SMARCB1: variants seen among roughly 807,000 people sequenced by gnomAD.
SMARCB1 encodes the protein SWI/SNF related BAF chromatin remodeling complex subunit B1.
In SMARCB1, 5 loss-of-function variants were observed where a neutral mutation model predicts 49.0. The observed-to-expected ratio is 0.10, with a 90% confidence interval of 0.05 to 0.21. SMARCB1 has a LOEUF of 0.21. Among genes scored for constraint, SMARCB1 ranks in the 10% least tolerant of loss-of-function variants. SMARCB1 has a pLI of 1.00. For synonymous variants in SMARCB1, 201 were observed against 200.1 expected (o/e 1.00, Z -0.04); for missense variants, 226 against 509.2 (o/e 0.44, Z 5.35).
At position 23,837,964 on chromosome 22, in the gene SMARCB1, CTCA is replaced by C. The variant is rs2031235891; in HGVS notation, c.*3788_*3790del. The C allele has an allele frequency of 2.3e-6, 3 of 1,292,094 alleles. No homozygotes were observed. The highest frequency in any genetic ancestry group is 3.1e-6 in the Non-Finnish European group (3 of 956,472). 80.0% of individuals were successfully genotyped at this position (1,292,094 alleles called of 1,614,324 possible). A position where few individuals can be genotyped will look rare whatever the true frequency, so the allele number is the denominator to read the frequency against. On this transcript the variant is annotated 3_prime_UTR_variant, in exon 9 of 9. Transcript: ENST00000644036. ...CCTCATCTCCCCTATGTGCTATTCC[CTCA>C]TCAAGATGAGCCAGTCCAATAAAGG...
At chr22:23,803,741 C>G in intron 5 of SMARCB1, 1 of 421,094 alleles carries the variant, frequency 2.4e-6, no homozygotes, top group Non-Finnish European at 4.5e-6. Context: ...CCCCCGAGCC[C>G]TGCACACACC....
chr22:23,825,663 C>A (rs948594493), intron 7 of SMARCB1: 3 of 552,250 alleles, frequency 5.4e-6, no homozygotes, highest in Admixed American at 6.3e-5. Context: ...TCAGGGTGAA[C>A]CTCAAGTCCT....
chr22:23,828,242 G>A (rs996456228), intron 7 of SMARCB1, among the ~76,000 whole-genome samples: 2 of 152,028 alleles, frequency 1.3e-5, no homozygotes, highest in Non-Finnish European at 1.5e-5. Flanking sequence ...TAGTAGAGAC[G>A]GGGTTTCACC....
Position 23,836,755 on chromosome 22 carries a change from A to T in SMARCB1, c.*2575A>T. Reference sequence around the variant, plus strand: ...AGACTGCAGCTCATTCTGTTTATTCAGGTGGGCCCTTGCATGGGCCCAGCC... The same window carrying T: ...AGACTGCAGCTCATTCTGTTTATTCTGGTGGGCCCTTGCATGGGCCCAGCC... On this transcript the variant is annotated 3_prime_UTR_variant, in exon 9 of 9. Transcript: ENST00000644036. 1.4e-6 allele frequency: 2 copies of T among 1,384,342 alleles called. No individual in the cohort carries two copies. Among genetic ancestry groups the T allele is most frequent in the Non-Finnish European group, 1.9e-6 (2 of 1,072,042 alleles). The allele number at this position is 1,384,342 out of a possible 1,614,324, so 85.8% of individuals were successfully genotyped here. A position where few individuals can be genotyped will look rare whatever the true frequency, so the allele number is the denominator to read the frequency against.
chr22:23,807,586 T>A (rs1317207841), intron 5 of SMARCB1, among the ~76,000 whole-genome samples: 1 of 88,576 alleles, frequency 1.1e-5, no homozygotes, highest in Non-Finnish European at 2.9e-5. Context: ...AAAACTTTTT[T>A]TTTAAAGTTA....
At chr22:23,813,766 G>C (rs1930018187) in intron 5 of SMARCB1, among the ~76,000 whole-genome samples, 1 of 152,108 alleles carries the variant, frequency 6.6e-6, no homozygotes, top group Non-Finnish European at 1.5e-5. Context: ...TTGTAGATAA[G>C]ATGGTTCTAA....
At position 23,837,442 on chromosome 22, in the gene SMARCB1, G is replaced by A; in HGVS notation, c.*3262G>A. 2 of 649,736 alleles carry A rather than the reference G, an allele frequency of 3.1e-6. No individual in the cohort carries two copies. Among genetic ancestry groups the A allele is most frequent in the Non-Finnish European group, 2.6e-6 (1 of 380,910 alleles). The allele number at this position is 649,736 out of a possible 1,614,324, so 40.2% of individuals were successfully genotyped here. A position where few individuals can be genotyped will look rare whatever the true frequency, so the allele number is the denominator to read the frequency against. On this transcript the variant is annotated 3_prime_UTR_variant, in exon 9 of 9. Coordinates refer to ENST00000644036, the MANE Select transcript of SMARCB1 (RefSeq NM_003073.5). ...CCATCCTCACTCCCATCAGGACCGT[G>A]CAAGCATCAGTAGATCCGTCCTGAC...
At chr22:23,822,310 C>T (rs1453693505) in intron 6 of SMARCB1, among the ~76,000 whole-genome samples, 4 of 152,182 alleles carry the variant, frequency 2.6e-5, no homozygotes, top group Non-Finnish European at 4.4e-5. Context: ...TGGCACTGTC[C>T]AGGCCCCGTC....
At chr22:23,820,230 C>T (rs766885083) in intron 6 of SMARCB1, among the ~76,000 whole-genome samples, 2 of 151,962 alleles carry the variant, frequency 1.3e-5, no homozygotes, top group Non-Finnish European at 2.9e-5. Context: ...GGTATCAGGG[C>T]AATGAGTTAA....
chr22:23,835,060 T>G lies in SMARCB1; in HGVS notation c.*880T>G, dbSNP rs2030933176. 2 of 1,401,412 alleles carry G rather than the reference T, an allele frequency of 1.4e-6. No individual in the cohort carries two copies. The highest frequency in any genetic ancestry group is 3.2e-5 in the South Asian group (2 of 62,832). The allele number at this position is 1,401,412 out of a possible 1,614,324, so 86.8% of individuals were successfully genotyped here. On this transcript the variant is annotated 3_prime_UTR_variant, in exon 9 of 9. Coordinates refer to ENST00000644036, the MANE Select transcript of SMARCB1 (RefSeq NM_003073.5). ...GGCCCTTTCCCACCCCAGCAGGTGC[T>G]GTGGCCTGGGCCAGCTCCTGCCTTA... is the stretch of plus-strand genomic sequence containing the variant.
chr22:23,787,004 TGCGGCG>T lies in SMARCB1; in HGVS notation c.-154_-149del. 4.0e-6 allele frequency: 2 copies of T among 502,862 alleles called. No individual in the cohort carries two copies. Among genetic ancestry groups the T allele is most frequent in the South Asian group, 2.6e-5 (1 of 37,882 alleles). The allele number at this position is 502,862 out of a possible 1,614,324, so 31.2% of individuals were successfully genotyped here. A position where few individuals can be genotyped will look rare whatever the true frequency, so the allele number is the denominator to read the frequency against. On this transcript the variant is annotated 5_prime_UTR_variant, in exon 1 of 9. Coordinates refer to ENST00000644036, the MANE Select transcript of SMARCB1 (RefSeq NM_003073.5). Reference sequence around the variant, plus strand: ...CACTGAGGGCGGCCTGGTCGTCGTCTGCGGCGGCGGCGGCGGCTGAGGAGCCCGGCT... The same window carrying T: ...CACTGAGGGCGGCCTGGTCGTCGTCTGCGGCGGCGGCTGAGGAGCCCGGCT...
intron 5 of SMARCB1, among the ~76,000 whole-genome samples, chr22:23,811,478 C>T (rs1056222081): frequency 7.2e-5 from 11 of 152,174 alleles, no homozygotes; most frequent in Admixed American, 2.0e-4. Flanking sequence ...CCATATAATC[C>T]GTATAATGGA....
chr22:23,837,083 G>A lies in SMARCB1; in HGVS notation c.*2903G>A. ...ACTCACAGGAAGCCAGGGGTCTGCA[G>A]GAGCCTCTTGCCTCCAGGCTGGTTG... On this transcript the variant is annotated 3_prime_UTR_variant, in exon 9 of 9. Transcript: ENST00000644036. 6.2e-7 allele frequency: 1 copy of A among 1,613,978 alleles called. No homozygotes were observed. The highest frequency in any genetic ancestry group is 8.5e-7 in the Non-Finnish European group (1 of 1,179,924).
In SMARCB1 at chr22:23,816,755, C is replaced by A. The variant is rs757833744; in HGVS notation, c.629-15C>A. 6 of 1,612,080 alleles carry A rather than the reference C, an allele frequency of 3.7e-6. No homozygotes were observed. In the South Asian group the frequency reaches 6.6e-5, roughly 18 times the overall value. On this transcript the variant is annotated splice_polypyrimidine_tract_variant and intron_variant, in intron 5 of 8. Transcript: ENST00000644036. ...GGTGCAATCTCTTGGCATCCCTTCC[C>A]TCTCCTGATTTCAGAGAAGTTGATG...
intron 5 of SMARCB1, among the ~76,000 whole-genome samples, chr22:23,810,334 G>T (rs1384287576): frequency 2.0e-5 from 3 of 151,168 alleles, no homozygotes; most frequent in Non-Finnish European, 4.4e-5. Context: ...AGACCAGCCT[G>T]ACCAATATGG....
At chr22:23,807,045 T>C (rs535451135) in intron 5 of SMARCB1, among the ~76,000 whole-genome samples, 87 of 152,114 alleles carry the variant, frequency 5.7e-4, no homozygotes, top group Non-Finnish European at 9.7e-4. Flanking sequence ...ACTGGTGATG[T>C]ATGGTGTCAC....
At chr22:23,803,110 G>C in intron 4 of SMARCB1, 185 bp from the exon 5 acceptor site, 1 of 727,934 alleles carries the variant, frequency 1.4e-6, no homozygotes, top group East Asian at 2.5e-5. Context: ...GGCCCCAACT[G>C]TCCCCATTAG....
intron 8 of SMARCB1, 128 bp from the exon 9 acceptor site, chr22:23,834,013 C>A (rs2030821538): frequency 2.9e-6 from 3 of 1,036,936 alleles, no homozygotes; most frequent in Admixed American, 4.0e-5. Flanking sequence ...TGGGTCTGAC[C>A]CTGCTGGGGG....
At chr22:23,801,650 C>G (rs1929162346) in intron 4 of SMARCB1, 1 of 329,538 alleles carries the variant, frequency 3.0e-6, no homozygotes, top group African/African-American at 2.2e-5. Flanking sequence ...CAGTCTCAGC[C>G]TCTGTGGTCA....
Sources: gnomAD v4.1 joint callset for allele counts (sites outside exome capture counted in the v4.1 genomes callset) on GRCh38, gnomAD v4.1.1 for gene constraint, MANE v1.5 for transcripts, NCBI Gene and HGNC (gene_info 2026-07-23, HGNC 2026-07-21) for gene names.